The following FOXN2 variants were observed in gnomAD, a reference collection of about 807,000 sequenced individuals.
The protein encoded by FOXN2 is forkhead box protein N2.
FOXN2 carries 19 observed loss-of-function variants against 41.2 expected under a neutral mutation model. The observed-to-expected ratio is 0.46, with a 90% CI of 0.32 to 0.68. The LOEUF (loss-of-function observed/expected upper bound fraction) is 0.68. Among genes scored for constraint, FOXN2 ranks in the 30% least tolerant of loss-of-function variants. FOXN2 has a pLI of 0.03. For missense variants in FOXN2, 587 were observed against 509.4 expected (o/e 1.15, Z -1.47); for synonymous variants, 195 against 176.8 (o/e 1.10, Z -0.82).
chr2:48,315,360 G>A (rs1366160511), intron 1 of FOXN2, among the ~76,000 whole-genome samples: 1 of 152,176 alleles, frequency 6.6e-6, no homozygotes, highest in African/African-American at 2.4e-5. Context: ...GGGAGGTGCC[G>A]GGGGCGGCCG....
intron 2 of FOXN2, among the ~76,000 whole-genome samples, chr2:48,344,195 G>A (rs1009504902): frequency 6.6e-6 from 1 of 152,156 alleles, no homozygotes; most frequent in Non-Finnish European, 1.5e-5. Flanking sequence ...GAAATACATT[G>A]TGTGCTCATA....
chr2:48,321,370 T>G (rs943905763), intron 1 of FOXN2, among the ~76,000 whole-genome samples: 12 of 151,988 alleles, frequency 7.9e-5, no homozygotes, highest in Non-Finnish European at 1.5e-4. Context: ...CCGTCTCTAC[T>G]AAAAATACAA....
chr2:48,314,940 C>G (rs1425784608), intron 1 of FOXN2, 126 bp downstream of exon 1: 1 of 151,938 alleles, frequency 6.6e-6, no homozygotes, highest in African/African-American at 2.4e-5. Context: ...GGCGGCTGTC[C>G]CGTGACGCGC....
intron 5 of FOXN2, among the ~76,000 whole-genome samples, chr2:48,365,568 C>T (rs1672478942): frequency 6.6e-6 from 1 of 152,164 alleles, no homozygotes; most frequent in South Asian, 2.1e-4. Flanking sequence ...CAAGTTTTTG[C>T]TGCTAGTTTC....
In FOXN2 at chr2:48,376,703, T is replaced by C. The variant is rs1673274247; in HGVS notation, c.*1260T>C. 6.6e-6 allele frequency: 1 copy of C among 152,534 alleles called. No homozygotes were observed. The highest frequency in any genetic ancestry group is 1.5e-5 in the Non-Finnish European group (1 of 67,934). 9.4% of individuals were successfully genotyped at this position (152,534 alleles called of 1,614,324 possible). A position where few individuals can be genotyped will look rare whatever the true frequency, so the allele number is the denominator to read the frequency against. On this transcript the variant is annotated 3_prime_UTR_variant, in exon 7 of 7. Transcript: ENST00000340553. ...CAGTCTGCTTATATGAGACAGTTTT[T>C]CATAGTATCATTTGTATAATTTGAT...
At chr2:48,330,091 T>A (rs547167392) in intron 2 of FOXN2, among the ~76,000 whole-genome samples, 1 of 152,184 alleles carries the variant, frequency 6.6e-6, no homozygotes, top group South Asian at 2.1e-4. Flanking sequence ...TTTTCCTTTT[T>A]AAAAATGAGG....
intron 2 of FOXN2, among the ~76,000 whole-genome samples, chr2:48,338,378 C>T (rs1161562884): frequency 4.0e-5 from 6 of 149,712 alleles, no homozygotes; most frequent in African/African-American, 1.2e-4. Context: ...TGGATAGGTT[C>T]TCCTAACAGG....
Position 48,335,958 on chromosome 2 carries a change from G to T in FOXN2, c.-15+7256G>T, listed in dbSNP as rs184954506. On this transcript the variant is annotated intron_variant, in intron 2 of 6. Coordinates refer to ENST00000340553, the MANE Select transcript of FOXN2 (RefSeq NM_002158.4). ...CAGGAGAATGGCATGAACCCAGGGG[G>T]CAGAGCTTGCAGTGAGTGAACATCG... Among the ~76,000 whole-genome samples the T allele has an allele frequency of 1.2e-4, 18 of 151,862 alleles. No individual in the cohort carries two copies. The East Asian group carries it at 3.5e-3, about 29-fold the overall frequency.
intron 3 of FOXN2, among the ~76,000 whole-genome samples, chr2:48,353,746 G>A (rs1671615355): frequency 6.6e-6 from 1 of 152,080 alleles, no homozygotes; most frequent in African/African-American, 2.4e-5. Flanking sequence ...CACTGCTACA[G>A]TGAAAATCAT....
chr2:48,370,509 C>A (rs935962574), intron 5 of FOXN2, among the ~76,000 whole-genome samples: 1 of 152,272 alleles, frequency 6.6e-6, no homozygotes, highest in East Asian at 1.9e-4. Context: ...TCTCTGACCT[C>A]TATATTTAAA....
chr2:48,315,559 C>T (rs891152156), intron 1 of FOXN2, among the ~76,000 whole-genome samples: 1 of 152,202 alleles, frequency 6.6e-6, no homozygotes, highest in African/African-American at 2.4e-5. Flanking sequence ...CCTTTTAGTC[C>T]TCTTTCCTGG....
At position 48,346,845 on chromosome 2, in the gene FOXN2, T is replaced by G. The variant is rs191556034; in HGVS notation, c.537+94T>G. 105 of 1,046,604 alleles carry G rather than the reference T, an allele frequency of 1.0e-4. No homozygotes were observed. The East Asian group carries it at 2.6e-3, about 26-fold the overall frequency. 64.8% of individuals were successfully genotyped at this position (1,046,604 alleles called of 1,614,324 possible). A position where few individuals can be genotyped will look rare whatever the true frequency, so the allele number is the denominator to read the frequency against. ...ATCTGGAAATCGGGGAGACAATAAGTAGTCAAGTCAAATTACTTCAGCTGA... is the reference window on the plus strand; with the variant it reads ...ATCTGGAAATCGGGGAGACAATAAGGAGTCAAGTCAAATTACTTCAGCTGA... On this transcript the variant is annotated intron_variant, in intron 3 of 6. Transcript: ENST00000340553.
intron 3 of FOXN2, among the ~76,000 whole-genome samples, chr2:48,351,818 C>A (rs1427777909): frequency 6.6e-6 from 1 of 152,036 alleles, no homozygotes; most frequent in East Asian, 1.9e-4. Flanking sequence ...TTGGGGACCC[C>A]TAAACTAAAA....
At chr2:48,314,906 CCCGCGCCAGGCGTGG>C (rs1159053042) in intron 1 of FOXN2, 92 bp downstream of exon 1, 1 of 151,858 alleles carries the variant, frequency 6.6e-6, no homozygotes, top group African/African-American at 2.4e-5. Context: ...GCGCGAGCGA[CCCGCGCCAGGCGTGG>C]GGCGCGGAGG....
intron 5 of FOXN2, among the ~76,000 whole-genome samples, chr2:48,368,000 A>T (rs1672639625): frequency 6.6e-6 from 1 of 152,048 alleles, no homozygotes; most frequent in South Asian, 2.1e-4. Context: ...GTATGACCTC[A>T]CCCGGCTAAT....
chr2:48,326,846 C>A (rs1349110859), intron 1 of FOXN2, among the ~76,000 whole-genome samples: 1 of 152,162 alleles, frequency 6.6e-6, no homozygotes, highest in East Asian at 1.9e-4. Context: ...TGGGTCCCAT[C>A]CCTAAAGTAT....
chr2:48,355,540 G>C (rs1455574894), intron 3 of FOXN2, among the ~76,000 whole-genome samples: 1 of 151,988 alleles, frequency 6.6e-6, no homozygotes, highest in Non-Finnish European at 1.5e-5. Flanking sequence ...AAGTAGATTT[G>C]GGAATGCATG....
At chr2:48,333,840 T>A (rs1433206178) in intron 2 of FOXN2, among the ~76,000 whole-genome samples, 1 of 152,170 alleles carries the variant, frequency 6.6e-6, no homozygotes, top group East Asian at 1.9e-4. Context: ...CACAGAAATA[T>A]TAACATAGTT....
At chr2:48,367,927 C>G (rs62137016) in intron 5 of FOXN2, among the ~76,000 whole-genome samples, 1 of 152,324 alleles carries the variant, frequency 6.6e-6, no homozygotes, top group South Asian at 2.1e-4. Context: ...ACTGTAACCT[C>G]CACCTCCTGG....
Sources: gnomAD v4.1 joint callset for allele counts (sites outside exome capture counted in the v4.1 genomes callset) on GRCh38, gnomAD v4.1.1 for gene constraint, MANE v1.5 for transcripts, NCBI Gene and HGNC (gene_info 2026-07-23, HGNC 2026-07-21) for gene names.